The following MYH10 variants were observed in gnomAD, a reference collection of about 807,000 sequenced individuals.
MYH10 encodes the protein myosin-10.
A neutral mutation model predicts 257.8 loss-of-function variants in MYH10; 55 were observed. That is an observed-to-expected ratio of 0.21 (90% confidence interval 0.17 to 0.27). The LOEUF (loss-of-function observed/expected upper bound fraction) is 0.27, where lower values mean the gene tolerates loss of function less well. Among genes scored for constraint, MYH10 ranks in the 10% least tolerant of loss-of-function variants. The pLI is 1.00. For missense variants in MYH10, 1,631 were observed against 2,500.6 expected (o/e 0.65, Z 7.42); for synonymous variants, 854 against 921.7 (o/e 0.93, Z 1.33).
chr17:8,557,207 T>A (rs1252161039), intron 7 of MYH10, among the ~76,000 whole-genome samples: 1 of 152,112 alleles, frequency 6.6e-6, no homozygotes, highest in Non-Finnish European at 1.5e-5. Flanking sequence ...TAGTTGATTT[T>A]AAAAAAAGAA....
intron 34 of MYH10, among the ~76,000 whole-genome samples, chr17:8,491,167 T>C (rs987693989): frequency 3.9e-4 from 7 of 17,758 alleles, no homozygotes; most frequent in Admixed American, 2.5e-3. Flanking sequence ...GGTGCTGCTG[T>C]GCACCCCCTC....
chr17:8,559,069 T>A lies in MYH10; in HGVS notation c.757-5051A>T, dbSNP rs575394235. Among the ~76,000 whole-genome samples, 7 of 152,320 alleles carry A rather than the reference T, an allele frequency of 4.6e-5. No individual in the cohort carries two copies. The South Asian group carries it at 1.4e-3, about 32-fold the overall frequency. On this transcript the variant is annotated intron_variant, in intron 7 of 42. Coordinates refer to ENST00000360416, the MANE Select transcript of MYH10 (RefSeq NM_001256012.3). ...TACAGAATGACCACCTGGATGCTAA[T>A]GTCATGTTTCTTTTTTGCCCTTAGA...
At chr17:8,624,735 A>T (rs2085605572) in intron 1 of MYH10, among the ~76,000 whole-genome samples, 2 of 152,348 alleles carry the variant, frequency 1.3e-5, no homozygotes, top group South Asian at 4.1e-4. Context: ...GTATCCTAAA[A>T]GATTAATCAC....
chr17:8,629,229 A>G (rs2085797901), intron 1 of MYH10, among the ~76,000 whole-genome samples: 1 of 152,234 alleles, frequency 6.6e-6, no homozygotes, highest in Non-Finnish European at 1.5e-5. Context: ...ACGTTAAAAA[A>G]CAAAATCTCA....
intron 7 of MYH10, among the ~76,000 whole-genome samples, chr17:8,556,911 C>G (rs1192779849): frequency 6.6e-6 from 1 of 152,180 alleles, no homozygotes; most frequent in African/African-American, 2.4e-5. Flanking sequence ...CATTCTATAA[C>G]ATAATAATAA....
chr17:8,481,678 T>C (rs1408021483), intron 37 of MYH10, among the ~76,000 whole-genome samples: 1 of 152,134 alleles, frequency 6.6e-6, no homozygotes, highest in African/African-American at 2.4e-5. Context: ...ACGTAAGAGG[T>C]GGCTATGTTC....
chr17:8,583,097 A>C (rs1291575303), intron 4 of MYH10, among the ~76,000 whole-genome samples: 1 of 152,210 alleles, frequency 6.6e-6, no homozygotes, highest in African/African-American at 2.4e-5. Flanking sequence ...GCTTGGACTC[A>C]AGTCTCCCCT....
intron 10 of MYH10, 96 bp downstream of exon 10, chr17:8,548,548 A>G (rs1395546310): frequency 6.7e-7 from 1 of 1,483,544 alleles, no homozygotes; most frequent in Non-Finnish European, 9.2e-7. Context: ...CATACAATTC[A>G]TTAGTTTCCC....
chr17:8,534,442 T>C (rs2082086488), intron 16 of MYH10, among the ~76,000 whole-genome samples: 2 of 152,174 alleles, frequency 1.3e-5, no homozygotes, highest in Admixed American at 1.3e-4. Flanking sequence ...CTTAAGATGA[T>C]CTTTTATAGG....
intron 17 of MYH10, among the ~76,000 whole-genome samples, chr17:8,525,612 C>T (rs1239633362): frequency 6.6e-6 from 1 of 152,242 alleles, no homozygotes; most frequent in Admixed American, 6.5e-5. Flanking sequence ...TTGTGCAGTA[C>T]TTTAGCCTAC....
At chr17:8,561,935 C>T (rs531239704) in intron 7 of MYH10, among the ~76,000 whole-genome samples, 13 of 152,234 alleles carry the variant, frequency 8.5e-5, no homozygotes, top group African/African-American at 2.4e-4. Context: ...GGAGACAGGG[C>T]TGCAGGGGCC....
At chr17:8,622,530 T>C (rs889789108) in intron 2 of MYH10, among the ~76,000 whole-genome samples, 1 of 152,232 alleles carries the variant, frequency 6.6e-6, no homozygotes, top group Non-Finnish European at 1.5e-5. Context: ...CTCTTGGGTA[T>C]GCACTTGATT....
chr17:8,549,399 C>A (rs953667026), intron 9 of MYH10, among the ~76,000 whole-genome samples: 1 of 152,236 alleles, frequency 6.6e-6, no homozygotes, highest in Non-Finnish European at 1.5e-5. Flanking sequence ...GCACTGACTA[C>A]TGTACCGTAG....
chr17:8,579,870 T>A (rs2083638434), intron 4 of MYH10, among the ~76,000 whole-genome samples: 1 of 152,204 alleles, frequency 6.6e-6, no homozygotes, highest in Non-Finnish European at 1.5e-5. Context: ...ATTTTATGAT[T>A]TCAGGTAAGA....
At chr17:8,483,230 A>T (rs1021730498) in intron 37 of MYH10, among the ~76,000 whole-genome samples, 3 of 152,228 alleles carry the variant, frequency 2.0e-5, no homozygotes, top group African/African-American at 7.2e-5. Context: ...TTAGAGGGGA[A>T]TTTACAGTCT....
intron 2 of MYH10, among the ~76,000 whole-genome samples, chr17:8,605,700 G>T (rs1042879982): frequency 6.6e-6 from 1 of 152,130 alleles, no homozygotes; most frequent in African/African-American, 2.4e-5. Context: ...AGCCTAGATC[G>T]CATCACTGTA....
At chr17:8,493,162 C>A (rs557186082) in intron 32 of MYH10, 138 bp from the exon 33 acceptor site, 11 of 917,268 alleles carry the variant, frequency 1.2e-5, no homozygotes, top group South Asian at 6.5e-5. Flanking sequence ...GAGTTTGAGA[C>A]CAGCCAGGCC....
rs2081376916 is a variant in MYH10 at position 8,513,867 on chromosome 17, T to C, written c.2532A>G (p.Leu844=). 6.2e-7 allele frequency: 1 copy of C among 1,614,170 alleles called. No individual in the cohort carries two copies. The highest frequency in any genetic ancestry group is 8.5e-7 in the Non-Finnish European group (1 of 1,179,986). The change falls in exon 22 of 43, where the codon CTA becomes CTG. Residue 844 remains leucine (L), a synonymous_variant. Coordinates refer to ENST00000360416, the MANE Select transcript of MYH10 (RefSeq NM_001256012.3). The part of the protein sequence containing the change: ...RKAFAKKQQQ[L]SALKVLQRNC... ...TCCGCTGCAAGACCTTTAAGGCACTTAGTTGCTGCTGCTTCTTGGCAAAGG... is the reference window on the plus strand; with the variant it reads ...TCCGCTGCAAGACCTTTAAGGCACTCAGTTGCTGCTGCTTCTTGGCAAAGG...
At chr17:8,546,336 G>C (rs1162479931) in intron 12 of MYH10, among the ~76,000 whole-genome samples, 3 of 152,072 alleles carry the variant, frequency 2.0e-5, no homozygotes, top group African/African-American at 4.8e-5. Flanking sequence ...TGGGATTACA[G>C]GTGTGAGCCA....
Sources: allele counts gnomAD v4.1 joint callset (sites outside exome capture counted in the v4.1 genomes callset), GRCh38; gene constraint gnomAD v4.1.1; transcripts MANE v1.5; gene names NCBI Gene and HGNC (gene_info 2026-07-23, HGNC 2026-07-21).